Variants in L3MBTL4 observed in about 807,000 individuals in gnomAD.
L3MBTL4 encodes the protein L3MBTL histone methyl-lysine binding protein 4, also known as lethal(3)malignant brain tumor-like protein 4.
A neutral mutation model predicts 84.5 loss-of-function variants in L3MBTL4; 70 were observed. That is an observed-to-expected ratio of 0.83 (90% CI 0.68 to 1.01). L3MBTL4 has a LOEUF of 1.01. Among genes scored for constraint, L3MBTL4 ranks in the 50% least tolerant of loss-of-function variants. The pLI is 0.00. For synonymous variants in L3MBTL4, 274 were observed against 259.8 expected (o/e 1.05, Z -0.52); for missense variants, 715 against 754.8 (o/e 0.95, Z 0.62).
chr18:5,973,617 T>C (rs1427779383), intron 16 of L3MBTL4, among the ~76,000 whole-genome samples: 1 of 152,224 alleles, frequency 6.6e-6, no homozygotes, highest in Non-Finnish European at 1.5e-5. Flanking sequence ...GAACATAAGC[T>C]GATGATGAAG....
At chr18:6,182,790 A>C (rs1446467513) in intron 12 of L3MBTL4, among the ~76,000 whole-genome samples, 1 of 85,240 alleles carries the variant, frequency 1.2e-5, no homozygotes, top group East Asian at 6.2e-4. Context: ...CAGTTATTGA[A>C]TAGGGGAGTC....
rs1256098297 is a variant in L3MBTL4 at position 6,054,888 on chromosome 18, C to A, written c.1444+25993G>T. The stretch of plus-strand genomic sequence containing the variant: ...TGGCACCACACAACTGGGCTTCGGG[C>A]TCTTTTTCCCTTTCCCTGAAGCTCA... On this transcript the variant is annotated intron_variant, in intron 16 of 18. Coordinates refer to ENST00000317931, the MANE Select transcript of L3MBTL4 (RefSeq NM_001330559.2). 2.6e-5 allele frequency among the ~76,000 whole-genome samples: 4 copies of A among 152,246 alleles called. No homozygotes were observed. In the South Asian group the frequency reaches 8.3e-4, roughly 31 times the overall value.
At chr18:6,043,051 C>T (rs1307283078) in intron 16 of L3MBTL4, among the ~76,000 whole-genome samples, 1 of 152,162 alleles carries the variant, frequency 6.6e-6, no homozygotes, top group African/African-American at 2.4e-5. Context: ...CCAAGCCATC[C>T]TTAATACTTC....
chr18:6,055,306 C>A (rs1192785828), intron 16 of L3MBTL4, among the ~76,000 whole-genome samples: 3 of 152,322 alleles, frequency 2.0e-5, no homozygotes, highest in African/African-American at 7.2e-5. Flanking sequence ...TTAATGACAT[C>A]TGATATTATG....
intron 13 of L3MBTL4, among the ~76,000 whole-genome samples, chr18:6,167,696 C>G (rs1177982894): frequency 6.6e-6 from 1 of 152,088 alleles, no homozygotes; most frequent in African/African-American, 2.4e-5. Flanking sequence ...TAAGAGCTAT[C>G]TATGACAAAC....
intron 4 of L3MBTL4, among the ~76,000 whole-genome samples, chr18:6,265,205 G>A (rs1281185002): frequency 6.6e-6 from 1 of 152,194 alleles, no homozygotes; most frequent in Non-Finnish European, 1.5e-5. Context: ...ATCATCTTAA[G>A]TGCCAGAATT....
At chr18:6,395,266 G>A (rs1292580727) in intron 1 of L3MBTL4, 2 of 152,044 alleles carry the variant, frequency 1.3e-5, no homozygotes, top group African/African-American at 2.4e-5. Flanking sequence ...TTCAATATGG[G>A]CAAATGATCA....
chr18:6,317,040 G>T (rs1417839266), intron 1 of L3MBTL4, among the ~76,000 whole-genome samples: 2 of 150,512 alleles, frequency 1.3e-5, no homozygotes, highest in Non-Finnish European at 3.0e-5. Flanking sequence ...GCACACTGTG[G>T]GGAAACAAGA....
At chr18:6,363,364 C>A (rs984669627) in intron 1 of L3MBTL4, among the ~76,000 whole-genome samples, 5 of 152,120 alleles carry the variant, frequency 3.3e-5, no homozygotes, top group African/African-American at 1.2e-4. Flanking sequence ...CTCCAGGAAG[C>A]CCCGTGTCTT....
At chr18:5,981,974 C>CTGTGTGTGTG (rs374606293) in intron 16 of L3MBTL4, among the ~76,000 whole-genome samples, 7,193 of 137,292 alleles carry the variant, frequency 0.052, 216 homozygotes, top group African/African-American at 0.072. Context: ...TTTCAATATT[C>CTGTGTGTGTG]TGTGTGTGTG....
At chr18:5,972,892 G>GAGAATAGAATAGAATAGAATAGAAT (rs5822882) in intron 16 of L3MBTL4, among the ~76,000 whole-genome samples, 1 of 132,130 alleles carries the variant, frequency 7.6e-6, no homozygotes, top group Admixed American at 7.8e-5. Context: ...TAGAACAGAA[G>GAGAATAGAATAGAATAGAATAGAAT]AGAATAGAAT....
At chr18:6,395,471 G>A (rs952044724) in intron 1 of L3MBTL4, 1 of 152,132 alleles carries the variant, frequency 6.6e-6, no homozygotes, top group African/African-American at 2.4e-5. Flanking sequence ...AAGAGGAAGG[G>A]AAACTTTCTC....
At chr18:6,295,346 C>CTCTCTCTCTCTCTCTATATATATATATA (rs1261475809) in intron 4 of L3MBTL4, among the ~76,000 whole-genome samples, 3 of 81,380 alleles carry the variant, frequency 3.7e-5, no homozygotes, top group African/African-American at 2.0e-4. Context: ...CTCTCTCTCT[C>CTCTCTCTCTCTCTCTATATATATATATA]TATATATATA....
chr18:6,227,432 C>T (rs1215158601), intron 10 of L3MBTL4, among the ~76,000 whole-genome samples: 1 of 152,174 alleles, frequency 6.6e-6, no homozygotes, highest in Non-Finnish European at 1.5e-5. Flanking sequence ...ATACAAAGTA[C>T]ATTGTTTGAT....
At chr18:6,179,214 T>C (rs2044358416) in intron 12 of L3MBTL4, among the ~76,000 whole-genome samples, 1 of 152,258 alleles carries the variant, frequency 6.6e-6, no homozygotes, top group South Asian at 2.1e-4. Context: ...TTTGTTTTAC[T>C]GTCAGAGTCC....
intron 1 of L3MBTL4, among the ~76,000 whole-genome samples, chr18:6,327,670 G>C (rs1404911851): frequency 6.6e-6 from 1 of 152,186 alleles, no homozygotes; most frequent in Non-Finnish European, 1.5e-5. Context: ...GAGACTTCAA[G>C]TGTAATTGCA....
At chr18:6,209,098 T>A (rs2045991154) in intron 12 of L3MBTL4, among the ~76,000 whole-genome samples, 1 of 152,160 alleles carries the variant, frequency 6.6e-6, no homozygotes, top group South Asian at 2.1e-4. Context: ...ACATAGAGAA[T>A]ACTGGCTTCT....
intron 16 of L3MBTL4, among the ~76,000 whole-genome samples, chr18:6,050,276 G>A (rs2056792516): frequency 6.6e-6 from 1 of 152,108 alleles, no homozygotes; most frequent in African/African-American, 2.4e-5. Context: ...ACCAAATCCT[G>A]TTCTCCCCTC....
chr18:6,136,139 G>T (rs544384963), intron 14 of L3MBTL4, among the ~76,000 whole-genome samples: 1 of 152,256 alleles, frequency 6.6e-6, no homozygotes, highest in South Asian at 2.1e-4. Context: ...GAAATACTGG[G>T]CCCCATGATT....
Sources: allele counts gnomAD v4.1 joint callset (sites outside exome capture counted in the v4.1 genomes callset), GRCh38; gene constraint gnomAD v4.1.1; transcripts MANE v1.5; gene names NCBI Gene and HGNC (gene_info 2026-07-23, HGNC 2026-07-21).